TGFB2: variants seen among roughly 807,000 people sequenced by gnomAD.
TGFB2 encodes the protein transforming growth factor beta-2 proprotein.
A neutral mutation model predicts 42.7 loss-of-function variants in TGFB2; 13 were observed. That is an observed-to-expected ratio of 0.30 (90% CI 0.20 to 0.48). The LOEUF is 0.48. TGFB2 is among the 20% of genes least tolerant of loss of function. The pLI is 0.99. For synonymous variants in TGFB2, 193 were observed against 193.6 expected, an observed-to-expected ratio of 1.00 and a Z score of 0.03; for missense variants, 390 against 517.5, an observed-to-expected ratio of 0.75 and a Z score of 2.39.
chr1:218,435,283 G>A (rs939837356), intron 4 of TGFB2, among the ~76,000 whole-genome samples: 3 of 152,140 alleles, frequency 2.0e-5, no homozygotes, highest in Non-Finnish European at 4.4e-5. Context: ...ATTTATTTCA[G>A]TCTCTAACCT....
At chr1:218,348,217 C>A (rs1219527547) in intron 1 of TGFB2, among the ~76,000 whole-genome samples, 1 of 152,092 alleles carries the variant, frequency 6.6e-6, no homozygotes, top group Non-Finnish European at 1.5e-5. Flanking sequence ...AATCCCAAGT[C>A]ATAAACTTTT....
At position 218,380,717 on chromosome 1, in the gene TGFB2, G is replaced by C. The variant is rs182081545; in HGVS notation, c.347-24452G>C. The stretch of plus-strand genomic sequence containing the variant: ...GATGAAGAGCAGAGATGAATAGAGT[G>C]GGGGTGGGTCAGGCTGCTGGGAAGG... On this transcript the variant is annotated intron_variant, in intron 1 of 6. Transcript: ENST00000366930. Among the ~76,000 whole-genome samples, 441 of 152,172 alleles carry C rather than the reference G, an allele frequency of 2.9e-3. 2 individuals are homozygous for C. The highest frequency in any genetic ancestry group is 9.0e-3 in the African/African-American group (375 of 41,516).
chr1:218,373,971 C>A (rs1180984565), intron 1 of TGFB2, among the ~76,000 whole-genome samples: 1 of 152,212 alleles, frequency 6.6e-6, no homozygotes, highest in Non-Finnish European at 1.5e-5. Context: ...GAGCTTAGCT[C>A]ATGCATGCTC....
intron 1 of TGFB2, among the ~76,000 whole-genome samples, chr1:218,400,685 A>T (rs989634043): frequency 6.6e-6 from 1 of 152,162 alleles, no homozygotes; most frequent in Non-Finnish European, 1.5e-5. Flanking sequence ...TAAAAAAAGG[A>T]GTGGGTGAGA....
chr1:218,348,271 A>G (rs952325816), intron 1 of TGFB2, among the ~76,000 whole-genome samples: 4 of 152,040 alleles, frequency 2.6e-5, no homozygotes, highest in Non-Finnish European at 5.9e-5. Flanking sequence ...TGCCCTGTAT[A>G]CTTGCTGGCT....
At chr1:218,414,424 C>T (rs1296372423) in intron 2 of TGFB2, among the ~76,000 whole-genome samples, 1 of 152,156 alleles carries the variant, frequency 6.6e-6, no homozygotes, top group Admixed American at 6.5e-5. Flanking sequence ...TTACAGCATA[C>T]AATCTTCTTA....
At chr1:218,390,844 C>T (rs1159794534) in intron 1 of TGFB2, among the ~76,000 whole-genome samples, 1 of 152,162 alleles carries the variant, frequency 6.6e-6, no homozygotes, top group Non-Finnish European at 1.5e-5. Context: ...CTTAATTGCC[C>T]ATAGCTGTGT....
At chr1:218,419,610 A>G (rs1659389906) in intron 2 of TGFB2, among the ~76,000 whole-genome samples, 1 of 152,234 alleles carries the variant, frequency 6.6e-6, no homozygotes, top group Admixed American at 6.5e-5. Context: ...AAAATGTCAA[A>G]ATAAGATTCA....
intron 1 of TGFB2, among the ~76,000 whole-genome samples, chr1:218,362,962 G>A (rs1216718615): frequency 2.6e-5 from 4 of 152,150 alleles, no homozygotes; most frequent in Admixed American, 1.3e-4. Flanking sequence ...TTCTTAATCG[G>A]TAGACTGTCT....
At chr1:218,376,046 G>A (rs1256861062) in intron 1 of TGFB2, among the ~76,000 whole-genome samples, 1 of 152,150 alleles carries the variant, frequency 6.6e-6, no homozygotes, top group African/African-American at 2.4e-5. Flanking sequence ...TAATAAATGG[G>A]CCTAAAGTTT....
At chr1:218,411,956 A>T (rs551927739) in intron 2 of TGFB2, among the ~76,000 whole-genome samples, 12 of 152,236 alleles carry the variant, frequency 7.9e-5, no homozygotes, top group African/African-American at 2.9e-4. Context: ...GGCAGCCCAG[A>T]TTCAAAGGGA....
At chr1:218,371,277 G>A (rs1258887268) in intron 1 of TGFB2, among the ~76,000 whole-genome samples, 1 of 152,120 alleles carries the variant, frequency 6.6e-6, no homozygotes, top group Non-Finnish European at 1.5e-5. Flanking sequence ...CTCCAGCCTG[G>A]GCGATAGAGG....
At chr1:218,374,950 G>C (rs1266971576) in intron 1 of TGFB2, among the ~76,000 whole-genome samples, 1 of 152,118 alleles carries the variant, frequency 6.6e-6, no homozygotes, top group African/African-American at 2.4e-5. Context: ...ACACATGCAG[G>C]CTTCACTGAA....
Position 218,428,125 on chromosome 1 carries a change from A to G in TGFB2, c.511-5957A>G, listed in dbSNP as rs554940450. On this transcript the variant is annotated intron_variant, in intron 2 of 6. Transcript: ENST00000366930. ...TTTCATGTATCTGTTGGCTGCATAAATGTCTTCTTTTGAGAAGTGTCTGTT... is the reference window on the plus strand; with the variant it reads ...TTTCATGTATCTGTTGGCTGCATAAGTGTCTTCTTTTGAGAAGTGTCTGTT... Among the ~76,000 whole-genome samples, 5 of 152,340 alleles carry G rather than the reference A, an allele frequency of 3.3e-5. No individual in the cohort carries two copies. The South Asian group carries it at 1.0e-3, about 32-fold the overall frequency.
chr1:218,383,147 G>C (rs2102568924), intron 1 of TGFB2, among the ~76,000 whole-genome samples: 1 of 152,352 alleles, frequency 6.6e-6, no homozygotes, highest in Middle Eastern at 3.4e-3. Flanking sequence ...AGAAACCTAT[G>C]TGATGGAGTC....
intron 1 of TGFB2, among the ~76,000 whole-genome samples, chr1:218,355,498 C>G (rs1404705478): frequency 1.3e-5 from 2 of 152,190 alleles, no homozygotes; most frequent in Non-Finnish European, 2.9e-5. Context: ...AGCAACTTGG[C>G]TCTCTCAGTG....
At chr1:218,368,290 A>G (rs142630462) in intron 1 of TGFB2, among the ~76,000 whole-genome samples, 48 of 152,184 alleles carry the variant, frequency 3.2e-4, no homozygotes, top group African/African-American at 1.1e-3. Context: ...GATTACAGGC[A>G]CACACCACCA....
chr1:218,390,733 A>G (rs1658293583), intron 1 of TGFB2, among the ~76,000 whole-genome samples: 1 of 152,220 alleles, frequency 6.6e-6, no homozygotes, highest in South Asian at 2.1e-4. Flanking sequence ...ACCCAAATGA[A>G]CATGATTCCT....
chr1:218,421,811 C>T (rs1176616191), intron 2 of TGFB2, among the ~76,000 whole-genome samples: 1 of 152,036 alleles, frequency 6.6e-6, no homozygotes, highest in Non-Finnish European at 1.5e-5. Context: ...AAAAGACAGC[C>T]ATGTGAAGAC....
Sources: allele counts gnomAD v4.1 joint callset (sites outside exome capture counted in the v4.1 genomes callset), GRCh38; gene constraint gnomAD v4.1.1; transcripts MANE v1.5; gene names NCBI Gene and HGNC (gene_info 2026-07-23, HGNC 2026-07-21).